The following RHCG variants were observed in gnomAD, a reference collection of about 807,000 sequenced individuals.
RHCG encodes the protein ammonium transporter Rh type C.
RHCG carries 39 observed loss-of-function variants against 55.3 expected under a neutral mutation model. The ratio of observed to expected loss-of-function variants is 0.70; its 90% CI spans 0.55 to 0.92. The LOEUF is 0.92. Among genes scored for constraint, RHCG ranks in the 40% least tolerant of loss-of-function variants. The pLI, the probability that RHCG is intolerant of heterozygous loss-of-function variation, is 0.00. For synonymous variants in RHCG, 250 were observed against 246.8 expected (o/e 1.01, Z -0.12); for missense variants, 635 against 627.9 (o/e 1.01, Z -0.12).
chr15:89,480,210 T>C (rs766237524), intron 4 of RHCG, 51 bp downstream of exon 4: 1 of 1,610,940 alleles, frequency 6.2e-7, no homozygotes, highest in Non-Finnish European at 8.5e-7. Flanking sequence ...TCACCCATCA[T>C]GGCCACCTTC....
At chr15:89,476,365 T>C (rs878918556) in intron 9 of RHCG, among the ~76,000 whole-genome samples, 2 of 152,126 alleles carry the variant, frequency 1.3e-5, no homozygotes. Flanking sequence ...ACGGCACCCA[T>C]GAGAATTTGC....
chr15:89,495,613 T>C (rs1280089711), intron 1 of RHCG, among the ~76,000 whole-genome samples: 2 of 152,172 alleles, frequency 1.3e-5, no homozygotes, highest in Admixed American at 6.5e-5. Flanking sequence ...GGTGCTCTTG[T>C]AGCAATTGCT....
At chr15:89,483,279 T>C (rs922528208) in intron 2 of RHCG, 62 bp from the exon 3 acceptor site, 3 of 1,433,656 alleles carry the variant, frequency 2.1e-6, no homozygotes, top group African/African-American at 2.8e-5. Flanking sequence ...CTGGAGGCCC[T>C]GGACTTTGGT....
At chr15:89,492,331 A>G (rs1246896290) in intron 1 of RHCG, among the ~76,000 whole-genome samples, 1 of 152,102 alleles carries the variant, frequency 6.6e-6, no homozygotes, top group Non-Finnish European at 1.5e-5. Flanking sequence ...AGTGTCCCAC[A>G]CTAATGGGCC....
Position 89,486,895 on chromosome 15 carries a change from T to A in RHCG, c.275A>T (p.Asn92Ile). 2.5e-6 allele frequency: 4 copies of A among 1,613,098 alleles called. No homozygotes were observed. Among genetic ancestry groups the A allele is most frequent in the Non-Finnish European group, 3.4e-6 (4 of 1,179,214 alleles). ...QRYGFSAVGF[N>I]FLLAAFGIQW... ...GATGCCGAAGGCTGCCAACAGGAAG[T>A]TGAAGCCCACGGCGCTGAAGCCGTA... The change falls in exon 2 of 11, where the codon AAC (asparagine) becomes ATC (isoleucine). Residue 92 changes from asparagine to isoleucine, a missense_variant. Transcript: ENST00000268122.
At chr15:89,490,520 T>C (rs1430593009) in intron 1 of RHCG, among the ~76,000 whole-genome samples, 1 of 152,230 alleles carries the variant, frequency 6.6e-6, no homozygotes, top group African/African-American at 2.4e-5. Flanking sequence ...CTAACTGTTG[T>C]GGAAGAAATT....
At position 89,491,639 on chromosome 15, in the gene RHCG, C is replaced by T. The variant is rs1431312448; in HGVS notation, c.185-4654G>A. 7.2e-5 allele frequency among the ~76,000 whole-genome samples: 11 copies of T among 152,044 alleles called. No homozygotes were observed. The South Asian group carries it at 8.3e-4, about 11-fold the overall frequency. ...AAAATTAGCCGGGCAAGGTAGTGCA[C>T]GCCTTTAATCCCAGCTACTCGAGAG... On this transcript the variant is annotated intron_variant, in intron 1 of 10. Coordinates refer to ENST00000268122, the MANE Select transcript of RHCG (RefSeq NM_016321.3).
At chr15:89,494,179 T>C (rs1961525440) in intron 1 of RHCG, among the ~76,000 whole-genome samples, 1 of 151,900 alleles carries the variant, frequency 6.6e-6, no homozygotes, top group Admixed American at 6.6e-5. Flanking sequence ...CCTTGGCTGC[T>C]CGGCTTCTCC....
At chr15:89,478,301 A>T (rs928614563) in intron 5 of RHCG, among the ~76,000 whole-genome samples, 5 of 152,204 alleles carry the variant, frequency 3.3e-5, no homozygotes, top group African/African-American at 4.8e-5. Context: ...GTGTGCCCAG[A>T]CTAGCATGTC....
chr15:89,486,489 C>T (rs1483657405), intron 2 of RHCG: 1 of 479,636 alleles, frequency 2.1e-6, no homozygotes, highest in Non-Finnish European at 4.1e-6. Context: ...GGGAGACCCT[C>T]CTATGTATGA....
At chr15:89,485,407 C>T (rs992860923) in intron 2 of RHCG, among the ~76,000 whole-genome samples, 3 of 152,202 alleles carry the variant, frequency 2.0e-5, no homozygotes, top group African/African-American at 7.2e-5. Flanking sequence ...ACTATCTTTC[C>T]TGTTTCTCTT....
intron 9 of RHCG, 86 bp downstream of exon 9, chr15:89,476,669 C>T: frequency 8.7e-7 from 1 of 1,146,742 alleles, no homozygotes; most frequent in South Asian, 1.2e-5. Context: ...GCATCTGGGT[C>T]CCCAGGCCCC....
rs373576122 is a variant in RHCG at position 89,472,844 on chromosome 15, G to A, written c.1331C>T (p.Thr444Ile). The A allele has an allele frequency of 1.3e-6, 2 of 1,508,860 alleles. No homozygotes were observed. Among genetic ancestry groups the A allele is most frequent in the Non-Finnish European group, 1.8e-6 (2 of 1,121,958 alleles). 93.5% of individuals were successfully genotyped at this position (1,508,860 alleles called of 1,614,324 possible). ...GGTGGGGTCCTCAGGGATGTAGACA[G>A]TGCTGTTCCCTTCAGGCATCTACAG... is the stretch of plus-strand genomic sequence containing the variant. The part of the protein sequence containing the change: ...VYWEMPEGNS[T>I]VYIPEDPTFK... The change falls in exon 10 of 11, where the codon ACT becomes ATT. Residue 444 changes from threonine to isoleucine, a missense_variant. Thr to Ile is a moderately conservative substitution (Grantham distance 89). Coordinates refer to ENST00000268122, the MANE Select transcript of RHCG (RefSeq NM_016321.3).
At position 89,476,270 on chromosome 15, in the gene RHCG, A is replaced by G. The variant is rs971170121; in HGVS notation, c.1311+485T>C. On this transcript the variant is annotated intron_variant, in intron 9 of 10. Transcript: ENST00000268122. ...TTTTTTGTAGAGACAGAGTCTCCCT[A>G]TGTTGCCCAGGCTAGTCTCAAACCC... Among the ~76,000 whole-genome samples the G allele has an allele frequency of 2.0e-5, 3 of 152,138 alleles. No individual in the cohort carries two copies. In the East Asian group the frequency reaches 5.8e-4, roughly 29 times the overall value.
In RHCG at chr15:89,496,462, AC is replaced by A; in HGVS notation, c.82del (p.Val28CysfsTer22). ...GGCCTCGAAGTCGTAGCGCACGAACACCCCGAAGAGAATCACCATAATCACC... is the reference window on the plus strand; with the variant it reads ...GGCCTCGAAGTCGTAGCGCACGAACACCCGAAGAGAATCACCATAATCACC... ...LQVIMVILFG[V>X]FVRYDFEADA... On this transcript the variant is annotated frameshift_variant, in exon 1 of 11. Transcript: ENST00000268122. LOFTEE classifies it high-confidence loss of function. 1 of 1,613,940 alleles carries A rather than the reference AC, an allele frequency of 6.2e-7. No individual in the cohort carries two copies. The highest frequency in any genetic ancestry group is 1.1e-5 in the South Asian group (1 of 91,088).
intron 4 of RHCG, 22 bp from the exon 5 acceptor site, chr15:89,479,510 A>G (rs1278645683): frequency 5.0e-6 from 8 of 1,597,520 alleles, no homozygotes; most frequent in East Asian, 2.3e-5. Flanking sequence ...AGACAGGCCC[A>G]ATGGGCCCGG....
chr15:89,494,002 T>G (rs893720), intron 1 of RHCG, among the ~76,000 whole-genome samples: 62,702 of 151,904 alleles, frequency 0.41, 13,954 homozygotes, highest in African/African-American at 0.59. Context: ...TCCTGCTCCA[T>G]TGGCCAAGAG....
rs563452263 is a variant in RHCG at position 89,472,820 on chromosome 15, G to T, written c.1355C>A (p.Thr452Asn). ...NSTVYIPEDP[T>N]FKPSGPSVPS... ...TACTGAGGGTCCTGAGGGCTTGAAG[G>T]TGGGGTCCTCAGGGATGTAGACAGT... Residue 452 changes from threonine to asparagine, a missense_variant, in exon 10 of 11, where the codon ACC becomes AAC. Transcript: ENST00000268122. 3 of 1,549,788 alleles carry T rather than the reference G, an allele frequency of 1.9e-6. No individual in the cohort carries two copies. Among genetic ancestry groups the T allele is most frequent in the African/African-American group, 1.4e-5 (1 of 72,918 alleles).
chr15:89,495,920 G>C (rs1049089218), intron 1 of RHCG, among the ~76,000 whole-genome samples: 10 of 152,190 alleles, frequency 6.6e-5, no homozygotes, highest in African/African-American at 2.4e-4. Flanking sequence ...AAGCTAAAAG[G>C]GGGTGGGTGT....
Sources: allele counts gnomAD v4.1 joint callset (sites outside exome capture counted in the v4.1 genomes callset), GRCh38; gene constraint gnomAD v4.1.1; transcripts MANE v1.5; gene names NCBI Gene and HGNC (gene_info 2026-07-23, HGNC 2026-07-21).